PEBP4: variants seen among roughly 807,000 people sequenced by gnomAD.
The protein encoded by PEBP4 is phosphatidylethanolamine-binding protein 4.
PEBP4 carries 22 observed loss-of-function variants against 23.9 expected under a neutral mutation model. That is an observed-to-expected ratio of 0.92 (90% CI 0.66 to 1.31). The LOEUF is 1.31. Among genes scored for constraint, PEBP4 ranks in the 40% most tolerant of loss-of-function variants. The pLI is 0.00. For synonymous variants in PEBP4, 112 were observed against 99.3 expected (o/e 1.13, Z -0.76); for missense variants, 324 against 281.7 (o/e 1.15, Z -1.07).
At chr8:22,803,755 C>T (rs942502857) in intron 4 of PEBP4, among the ~76,000 whole-genome samples, 1 of 152,194 alleles carries the variant, frequency 6.6e-6, no homozygotes, top group Admixed American at 6.5e-5. Context: ...TGTCTCCTCA[C>T]CTGCCAGGCC....
At chr8:22,906,679 C>T (rs189443637) in intron 3 of PEBP4, among the ~76,000 whole-genome samples, 101 of 152,368 alleles carry the variant, frequency 6.6e-4, no homozygotes, top group Non-Finnish European at 1.3e-3. Flanking sequence ...TGGAGTTTGG[C>T]ATTGACAGGT....
chr8:22,768,447 G>T (rs574641477), intron 4 of PEBP4, among the ~76,000 whole-genome samples: 1 of 152,138 alleles, frequency 6.6e-6, no homozygotes, highest in Non-Finnish European at 1.5e-5. Context: ...AGCCCCCCAC[G>T]ACAGCCTCAG....
At chr8:22,888,608 C>T (rs1808431380) in intron 3 of PEBP4, among the ~76,000 whole-genome samples, 2 of 152,184 alleles carry the variant, frequency 1.3e-5, no homozygotes, top group Admixed American at 6.5e-5. Context: ...GCACTGGTAC[C>T]GCATCCCCAG....
chr8:22,907,436 C>T (rs564026467), intron 3 of PEBP4, among the ~76,000 whole-genome samples: 15 of 152,164 alleles, frequency 9.9e-5, no homozygotes, highest in African/African-American at 3.6e-4. Flanking sequence ...CACTTGAACC[C>T]GGGAGGCAGA....
At chr8:22,931,695 T>C (rs943356738), upstream of PEBP4, among the ~76,000 whole-genome samples, 1 of 152,192 alleles carries the variant, frequency 6.6e-6, no homozygotes, top group Non-Finnish European at 1.5e-5. Flanking sequence ...GTGATTCTCC[T>C]GCCTCAGCCT....
chr8:22,867,001 A>G (rs1807917593), intron 3 of PEBP4, among the ~76,000 whole-genome samples: 1 of 152,048 alleles, frequency 6.6e-6, no homozygotes, highest in South Asian at 2.1e-4. Flanking sequence ...GGCGGGTTGA[A>G]GAAATTGCAA....
chr8:22,930,368 C>A (rs985202750), upstream of PEBP4, among the ~76,000 whole-genome samples: 1 of 152,122 alleles, frequency 6.6e-6, no homozygotes, highest in African/African-American at 2.4e-5. Context: ...CTGCTTTCTT[C>A]ATTATTCTCA....
In PEBP4 at chr8:22,865,169, G is replaced by C. The variant is rs1432901855; in HGVS notation, c.259-47434C>G. On this transcript the variant is annotated intron_variant, in intron 3 of 6. Coordinates refer to ENST00000256404, the MANE Select transcript of PEBP4 (RefSeq NM_144962.3). The surrounding 1 kb of genome is among the most constrained non-coding windows in gnomAD (Gnocchi z 6.9). The stretch of plus-strand genomic sequence containing the variant: ...GTGCTGGACGGGGCTAGAGGCCCAC[G>C]TTCTCCTGTGACTCAGGTCTGACTC... 6.7e-6 allele frequency among the ~76,000 whole-genome samples: 1 copy of C among 150,364 alleles called. No homozygotes were observed. Among genetic ancestry groups the C allele is most frequent in the East Asian group, 2.0e-4 (1 of 5,024 alleles).
intron 4 of PEBP4, among the ~76,000 whole-genome samples, chr8:22,783,269 G>A (rs1805963701): frequency 6.6e-6 from 1 of 152,238 alleles, no homozygotes; most frequent in Non-Finnish European, 1.5e-5. Flanking sequence ...TGTTCTTTGT[G>A]TTTTCATTCT....
At chr8:22,838,398 G>GGAT (rs1246767938) in intron 3 of PEBP4, among the ~76,000 whole-genome samples, 1 of 152,174 alleles carries the variant, frequency 6.6e-6, no homozygotes, top group Non-Finnish European at 1.5e-5. Flanking sequence ...CCACAGAGCT[G>GGAT]GATGAGCCCG....
chr8:22,719,948 C>T (rs904261131), intron 6 of PEBP4, among the ~76,000 whole-genome samples: 2 of 152,176 alleles, frequency 1.3e-5, no homozygotes, highest in East Asian at 1.9e-4. Context: ...GGCAAGCTGA[C>T]GTGTGTTTGC....
At position 22,727,240 on chromosome 8, in the gene PEBP4, G is replaced by A; in HGVS notation, c.358-20C>T. ...GGCGCCCTGAAAGAAGAGACAAGCA[G>A]GGCTGTAGGTTATGTCTTGGGCACA... On this transcript the variant is annotated intron_variant, in intron 4 of 6. Coordinates refer to ENST00000256404, the MANE Select transcript of PEBP4 (RefSeq NM_144962.3). 1.2e-6 allele frequency: 2 copies of A among 1,612,642 alleles called. No individual in the cohort carries two copies. The highest frequency in any genetic ancestry group is 1.7e-6 in the Non-Finnish European group (2 of 1,179,566).
intron 6 of PEBP4, among the ~76,000 whole-genome samples, chr8:22,724,179 C>A (rs780231899): frequency 5.9e-5 from 9 of 152,180 alleles, no homozygotes; most frequent in Non-Finnish European, 4.4e-5. Context: ...ATGGCTCACA[C>A]TGGGTCAGGT....
chr8:22,885,908 G>A (rs746009951), intron 3 of PEBP4: 6 of 152,194 alleles, frequency 3.9e-5, no homozygotes, highest in African/African-American at 9.7e-5. Flanking sequence ...CGGCCTCCTG[G>A]CTTCCTAGTC....
intron 3 of PEBP4, among the ~76,000 whole-genome samples, chr8:22,904,656 T>G (rs1563255749): frequency 6.6e-6 from 1 of 152,240 alleles, no homozygotes; most frequent in Non-Finnish European, 1.5e-5. Context: ...TTTTGATATA[T>G]TCTCCGTTCG....
chr8:22,927,898 A>T lies in PEBP4; in HGVS notation c.-82T>A. The T allele has an allele frequency of 1.5e-6, 1 of 653,482 alleles. No homozygotes were observed. The highest frequency in any genetic ancestry group is 2.2e-5 in the South Asian group (1 of 46,392). The allele number at this position is 653,482 out of a possible 1,614,324, so 40.5% of individuals were successfully genotyped here. On this transcript the variant is annotated 5_prime_UTR_variant, in exon 1 of 7. In the 5' UTR this introduces an upstream ATG that the reference lacks. Coordinates refer to ENST00000256404, the MANE Select transcript of PEBP4 (RefSeq NM_144962.3). ...TAATCCAGTCCACCACCCGGACACA[A>T]GTACTTTGGGAGGACTGGGCCTCTT...
At chr8:22,923,025 G>A (rs796530407) in intron 2 of PEBP4, among the ~76,000 whole-genome samples, 46 of 152,330 alleles carry the variant, frequency 3.0e-4, no homozygotes, top group African/African-American at 1.0e-3. Context: ...TTCATTTCAT[G>A]CAACCATACC....
At chr8:22,853,671 G>A (rs776596252) in intron 3 of PEBP4, among the ~76,000 whole-genome samples, 9 of 152,184 alleles carry the variant, frequency 5.9e-5, no homozygotes, top group Non-Finnish European at 1.0e-4. Flanking sequence ...AAATCCAGAA[G>A]GTGAGCCATT....
chr8:22,837,636 T>C (rs765914611), intron 3 of PEBP4, among the ~76,000 whole-genome samples: 8 of 152,180 alleles, frequency 5.3e-5, no homozygotes, highest in Non-Finnish European at 1.2e-4. Context: ...TGATCTCCAG[T>C]GTGATTCTTG....
Sources: gnomAD v4.1 joint callset for allele counts (sites outside exome capture counted in the v4.1 genomes callset) on GRCh38, gnomAD v4.1.1 for gene constraint, Gnocchi (gnomAD v3.1) non-coding constraint, MANE v1.5 for transcripts, NCBI Gene and HGNC (gene_info 2026-07-23, HGNC 2026-07-21) for gene names.